The following FOXP2 variants were observed in gnomAD, a reference collection of about 807,000 sequenced individuals.
The protein encoded by FOXP2 is forkhead box protein P2.
Under a neutral mutation model 115.8 loss-of-function variants are expected in FOXP2, and 12 were observed. That is an observed-to-expected ratio of 0.10 (90% confidence interval 0.07 to 0.17). The LOEUF (loss-of-function observed/expected upper bound fraction) is 0.17. FOXP2 is among the 10% of genes least tolerant of loss of function. FOXP2 has a pLI of 1.00. For synonymous variants in FOXP2, 328 were observed against 297.7 expected (o/e 1.10, Z -1.05); for missense variants, 629 against 843.5 (o/e 0.75, Z 3.15).
chr7:114,534,744 A>G lies in FOXP2; in HGVS notation c.258+38A>G, dbSNP rs577995589. 4.6e-6 allele frequency: 7 copies of G among 1,521,122 alleles called. No homozygotes were observed. The Admixed American group carries it at 6.7e-5, about 15-fold the overall frequency. The allele number at this position is 1,521,122 out of a possible 1,614,324, so 94.2% of individuals were successfully genotyped here. ...CTCCTGTCCTTGGGGTCTTATTTTA[A>G]AAGATGTTCATAATGATAACAGATG... On this transcript the variant is annotated intron_variant, in intron 3 of 16. Transcript: ENST00000350908.
At chr7:114,222,392 C>T (rs1016851049) in intron 1 of FOXP2, among the ~76,000 whole-genome samples, 1 of 152,134 alleles carries the variant, frequency 6.6e-6, no homozygotes, top group Non-Finnish European at 1.5e-5. Context: ...TCAAGTGATC[C>T]GCCCACCTCA....
intron 2 of FOXP2, among the ~76,000 whole-genome samples, chr7:114,529,074 A>G (rs1799014156): frequency 6.6e-6 from 1 of 151,920 alleles, no homozygotes; most frequent in Non-Finnish European, 1.5e-5. Context: ...GCAATTTATT[A>G]CCATTAGCAA....
intron 1 of FOXP2, among the ~76,000 whole-genome samples, chr7:114,230,831 A>G (rs1205059628): frequency 3.9e-5 from 6 of 151,964 alleles, no homozygotes; most frequent in Non-Finnish European, 8.8e-5. Flanking sequence ...CATTCTTACC[A>G]CTTTTATTCA....
intron 2 of FOXP2, among the ~76,000 whole-genome samples, chr7:114,471,389 T>C (rs1458700931): frequency 6.6e-6 from 1 of 152,204 alleles, no homozygotes; most frequent in Non-Finnish European, 1.5e-5. Flanking sequence ...TTTCCCACCA[T>C]AACATGACAC....
At chr7:114,401,883 G>A (rs1346007053) in intron 2 of FOXP2, among the ~76,000 whole-genome samples, 4 of 152,216 alleles carry the variant, frequency 2.6e-5, no homozygotes, top group Non-Finnish European at 1.5e-5. Context: ...CACTTTGAGA[G>A]GCCAAGGCAG....
At chr7:114,226,122 A>T (rs1794741379) in intron 1 of FOXP2, among the ~76,000 whole-genome samples, 1 of 152,230 alleles carries the variant, frequency 6.6e-6, no homozygotes, top group Non-Finnish European at 1.5e-5. Context: ...AGCTCAACTC[A>T]TAAAATGTTT....
At chr7:114,302,520 G>A (rs1443155540) in intron 2 of FOXP2, among the ~76,000 whole-genome samples, 1 of 152,082 alleles carries the variant, frequency 6.6e-6, no homozygotes, top group Non-Finnish European at 1.5e-5. Flanking sequence ...TTTGAAGTTA[G>A]TAAGAATAGA....
At chr7:114,302,343 A>G (rs925275722) in intron 2 of FOXP2, among the ~76,000 whole-genome samples, 3 of 152,136 alleles carry the variant, frequency 2.0e-5, no homozygotes, top group African/African-American at 7.2e-5. Context: ...AAATTTATAT[A>G]TATGTACAAA....
intron 3 of FOXP2, among the ~76,000 whole-genome samples, chr7:114,568,919 C>G (rs1322932564): frequency 6.6e-6 from 1 of 151,936 alleles, no homozygotes; most frequent in African/African-American, 2.4e-5. Flanking sequence ...AGGATCCCAA[C>G]ATGTTTTGTT....
chr7:114,663,622 T>A, intron 15 of FOXP2, 103 bp downstream of exon 15: 1 of 916,272 alleles, frequency 1.1e-6, no homozygotes, highest in Non-Finnish European at 1.7e-6. Flanking sequence ...TTCTTAATAG[T>A]TGGTTTATCA....
intron 15 of FOXP2, 131 bp from the exon 16 acceptor site, chr7:114,664,142 C>G (rs942317392): frequency 1.2e-5 from 13 of 1,050,786 alleles, no homozygotes; most frequent in Non-Finnish European, 1.8e-5. Context: ...AATTTTTTTT[C>G]AATACATTTT....
chr7:114,609,212 C>CAAA (rs960716714), intron 3 of FOXP2, among the ~76,000 whole-genome samples: 1 of 92,242 alleles, frequency 1.1e-5, no homozygotes. Context: ...GACTCTGTCT[C>CAAA]AAAAAAAAAA....
At chr7:114,583,253 C>T (rs1444424458) in intron 3 of FOXP2, among the ~76,000 whole-genome samples, 1 of 152,062 alleles carries the variant, frequency 6.6e-6, no homozygotes, top group Non-Finnish European at 1.5e-5. Flanking sequence ...GTGGTGCACA[C>T]CTGTAATCCC....
intron 2 of FOXP2, among the ~76,000 whole-genome samples, chr7:114,484,657 A>C (rs1433694432): frequency 6.6e-6 from 1 of 151,866 alleles, no homozygotes; most frequent in African/African-American, 2.4e-5. Flanking sequence ...TTTTTCATTT[A>C]TTGTTAATTT....
chr7:114,165,715 A>C (rs1792964066), intron 1 of FOXP2, among the ~76,000 whole-genome samples: 1 of 152,182 alleles, frequency 6.6e-6, no homozygotes. Context: ...TATATTCAAC[A>C]CAATCCCAGT....
chr7:114,563,413 T>C (rs950173818), intron 3 of FOXP2, among the ~76,000 whole-genome samples: 3 of 152,222 alleles, frequency 2.0e-5, no homozygotes, highest in Non-Finnish European at 4.4e-5. Flanking sequence ...ACAACTTTTT[T>C]TGTTAACTTT....
intron 2 of FOXP2, among the ~76,000 whole-genome samples, chr7:114,290,035 T>A: frequency 6.6e-6 from 1 of 151,968 alleles, no homozygotes; most frequent in East Asian, 1.9e-4. Flanking sequence ...AATTTTTGCT[T>A]CTCAGCTCTC....
At chr7:114,271,224 CAA>C (rs556742008) in intron 1 of FOXP2, among the ~76,000 whole-genome samples, 31 of 151,768 alleles carry the variant, frequency 2.0e-4, no homozygotes, top group South Asian at 1.7e-3. Context: ...CTTCTGCAAA[CAA>C]AGAGAGTTTT....
chr7:114,339,078 C>T (rs970301209), intron 2 of FOXP2, among the ~76,000 whole-genome samples: 2 of 151,002 alleles, frequency 1.3e-5, no homozygotes, highest in African/African-American at 2.4e-5. Context: ...AAAAAGTGTA[C>T]TATTGAGACT....
Sources: gnomAD v4.1 joint callset for allele counts (sites outside exome capture counted in the v4.1 genomes callset) on GRCh38, gnomAD v4.1.1 for gene constraint, MANE v1.5 for transcripts, NCBI Gene and HGNC (gene_info 2026-07-23, HGNC 2026-07-21) for gene names.